Variants in TENM2 observed in about 807,000 individuals in gnomAD.
TENM2 encodes teneurin-2.
Under a neutral mutation model 245.2 loss-of-function variants are expected in TENM2, and 52 were observed. That is an observed-to-expected ratio of 0.21 (90% CI 0.17 to 0.27). The LOEUF (loss-of-function observed/expected upper bound fraction) is 0.27. Among genes scored for constraint, TENM2 ranks in the 10% least tolerant of loss-of-function variants. TENM2 has a pLI of 1.00. For missense variants in TENM2, 3,046 were observed against 3,666.8 expected (o/e 0.83, Z 4.37); for synonymous variants, 1,363 against 1,438.9 (o/e 0.95, Z 1.19).
chr5:167,640,842 CATATATATATATATATCCATATAT>C (rs1293798384), intron 2 of TENM2, among the ~76,000 whole-genome samples: 3 of 75,486 alleles, frequency 4.0e-5, no homozygotes, highest in East Asian at 3.2e-4. Flanking sequence ...TATATATATC[CATATATATATATATATCCATATAT>C]ATATATATAT....
At chr5:167,657,515 G>T (rs1048109755) in intron 2 of TENM2, among the ~76,000 whole-genome samples, 2 of 152,150 alleles carry the variant, frequency 1.3e-5, no homozygotes, top group Non-Finnish European at 2.9e-5. Flanking sequence ...TGGGATTGCT[G>T]GATCATATGG....
exon 9 of TENM2, chr5:168,098,031 G>A: frequency 6.2e-7 from 1 of 1,611,382 alleles, no homozygotes; most frequent in Non-Finnish European, 8.5e-7. Context: ...TTCAGATTCA[G>A]TGCAGGACTG....
chr5:167,342,055 T>C (rs534537625), intron 1 of TENM2, among the ~76,000 whole-genome samples: 4 of 152,174 alleles, frequency 2.6e-5, no homozygotes, highest in Non-Finnish European at 5.9e-5. Flanking sequence ...CACCCAATTG[T>C]CCAGGTTGCT....
chr5:167,834,203 A>G (rs1283737603), intron 2 of TENM2, among the ~76,000 whole-genome samples: 1 of 152,216 alleles, frequency 6.6e-6, no homozygotes, highest in African/African-American at 2.4e-5. Flanking sequence ...TCTGCTTTAG[A>G]GTGGCTAGAA....
intron 1 of TENM2, among the ~76,000 whole-genome samples, chr5:167,311,127 C>T (rs945217886): frequency 3.3e-5 from 5 of 152,158 alleles, no homozygotes; most frequent in African/African-American, 1.2e-4. Flanking sequence ...TTGAACATGA[C>T]TGCATAACCG....
At chr5:167,364,778 C>T (rs547845073) in intron 1 of TENM2, among the ~76,000 whole-genome samples, 16 of 151,248 alleles carry the variant, frequency 1.1e-4, no homozygotes, top group African/African-American at 3.9e-4. Context: ...AGTCTATGTG[C>T]CTAATAACAT....
At chr5:167,899,196 G>A (rs867846691) in intron 3 of TENM2, among the ~76,000 whole-genome samples, 1 of 152,170 alleles carries the variant, frequency 6.6e-6, no homozygotes, top group Non-Finnish European at 1.5e-5. Context: ...GCCTGCATGT[G>A]CAGGGGAAAA....
chr5:168,144,401 A>G (rs974279746), intron 12 of TENM2, among the ~76,000 whole-genome samples: 6 of 151,914 alleles, frequency 3.9e-5, no homozygotes, highest in Non-Finnish European at 8.8e-5. Context: ...TCATTGTTCA[A>G]TTCCCACCTG....
At chr5:167,595,299 C>A (rs567842582) in intron 2 of TENM2, among the ~76,000 whole-genome samples, 31 of 152,230 alleles carry the variant, frequency 2.0e-4, no homozygotes, top group African/African-American at 7.2e-4. Flanking sequence ...TCATTTAGAA[C>A]CACAGAAACT....
At chr5:167,182,924 AT>A in the TENM2 span, among the ~76,000 whole-genome samples, 60 of 152,316 alleles carry the variant, frequency 3.9e-4, no homozygotes, top group Non-Finnish European at 7.8e-4. Flanking sequence ...AATTTTAAAA[AT>A]ATCAATGTTG....
At chr5:167,737,806 G>T (rs1278827200) in intron 2 of TENM2, among the ~76,000 whole-genome samples, 1 of 152,208 alleles carries the variant, frequency 6.6e-6, no homozygotes, top group Admixed American at 6.5e-5. Context: ...AGGGTTCTTT[G>T]TCTCACACTA....
At chr5:167,610,163 G>A (rs1307347247) in intron 2 of TENM2, among the ~76,000 whole-genome samples, 1 of 152,100 alleles carries the variant, frequency 6.6e-6, no homozygotes, top group African/African-American at 2.4e-5. Context: ...CAGCCAGGCA[G>A]AAGAGAAGCA....
the TENM2 span, among the ~76,000 whole-genome samples, chr5:167,146,873 A>T: frequency 5.3e-5 from 8 of 152,038 alleles, no homozygotes; most frequent in African/African-American, 1.4e-4. Context: ...GAGATGAATT[A>T]AAAAAAATGA....
the TENM2 span, among the ~76,000 whole-genome samples, chr5:167,176,848 G>C: frequency 3.9e-5 from 6 of 152,186 alleles, no homozygotes; most frequent in African/African-American, 4.8e-5. Context: ...AGCAGTCTCT[G>C]TGTGACCCCC....
At chr5:167,220,030 T>G in the TENM2 span, among the ~76,000 whole-genome samples, 1 of 152,218 alleles carries the variant, frequency 6.6e-6, no homozygotes, top group African/African-American at 2.4e-5. Flanking sequence ...AGATATGATT[T>G]GAGTATATAC....
intron 4 of TENM2, among the ~76,000 whole-genome samples, chr5:167,957,260 A>G (rs1332515294): frequency 2.6e-5 from 4 of 152,170 alleles, no homozygotes; most frequent in Non-Finnish European, 2.9e-5. Flanking sequence ...GTTTATTTGC[A>G]TAGAGATGTT....
At chr5:168,242,369 G>A (rs779411011) in intron 25 of TENM2, among the ~76,000 whole-genome samples, 1 of 152,144 alleles carries the variant, frequency 6.6e-6, no homozygotes, top group Non-Finnish European at 1.5e-5. Context: ...ATGCTTCACA[G>A]TCTGTTCATC....
chr5:168,194,161 G>A (rs1247284755), intron 14 of TENM2, among the ~76,000 whole-genome samples: 1 of 152,230 alleles, frequency 6.6e-6, no homozygotes, highest in Non-Finnish European at 1.5e-5. Context: ...CTGGGAGTGT[G>A]TCCAGGATGC....
chr5:168,234,087 G>A (rs1765197328), intron 25 of TENM2, among the ~76,000 whole-genome samples: 1 of 151,970 alleles, frequency 6.6e-6, no homozygotes, highest in East Asian at 1.9e-4. Context: ...CCCATGGCAG[G>A]GTTTCTCTCT....
Sources: allele counts gnomAD v4.1 joint callset (sites outside exome capture counted in the v4.1 genomes callset), GRCh38; gene constraint gnomAD v4.1.1; transcripts MANE v1.5; gene names NCBI Gene and HGNC (gene_info 2026-07-23, HGNC 2026-07-21).